Variants in HOOK2 observed in about 807,000 individuals in gnomAD.
HOOK2 encodes protein Hook homolog 2.
Under a neutral mutation model 111.9 loss-of-function variants are expected in HOOK2, and 108 were observed. That is an observed-to-expected ratio of 0.96 (90% confidence interval 0.83 to 1.13). The LOEUF is 1.13. HOOK2 is among the 50% of genes most tolerant of loss of function. HOOK2 has a pLI of 0.00. For missense variants in HOOK2, 978 were observed against 951.3 expected (o/e 1.03, Z -0.37); for synonymous variants, 405 against 394.3 (o/e 1.03, Z -0.32).
In HOOK2 at chr19:12,770,981, T is replaced by C. The variant is rs1568368007; in HGVS notation, c.853A>G (p.Ser285Gly). ...ELQHRNQALT[S>G]LAQEAQALKD... The stretch of plus-strand genomic sequence containing the variant: ...AGGGCCTGTGCCTCCTGGGCCAGGC[T>C]AGTCAGCGCCTGGTTCCGGTGCTGC... The change falls in exon 10 of 23, where the codon AGC becomes GGC. Residue 285 changes from serine to glycine, a missense_variant. Coordinates refer to ENST00000397668, the MANE Select transcript of HOOK2 (RefSeq NM_013312.3). 6.2e-7 allele frequency: 1 copy of C among 1,611,660 alleles called. No homozygotes were observed. The highest frequency in any genetic ancestry group is 8.5e-7 in the Non-Finnish European group (1 of 1,179,194).
Position 12,771,455 on chromosome 19 carries a change from C to T in HOOK2, c.542G>A (p.Ser181Asn). Residue 181 changes from serine (S) to asparagine (N), a missense_variant, in exon 8 of 23, where the codon AGT becomes AAT. Ser to Asn is a conservative substitution (Grantham distance 46). Coordinates refer to ENST00000397668, the MANE Select transcript of HOOK2 (RefSeq NM_013312.3). Reference sequence around the variant, plus strand: ...TTCGTCCCCCTCCTCAGCCTCCTCACTTAGGAAATAGTACCTGCGGGACTG... The same window carrying T: ...TTCGTCCCCCTCCTCAGCCTCCTCATTTAGGAAATAGTACCTGCGGGACTG... ...DSQSRRYYFL[S>N]EEAEEGDELQ... is the part of the protein sequence containing the mutation. 4 of 1,613,178 alleles carry T rather than the reference C, an allele frequency of 2.5e-6. No individual in the cohort carries two copies. Among genetic ancestry groups the T allele is most frequent in the Non-Finnish European group, 3.4e-6 (4 of 1,179,656 alleles).
chr19:12,775,277 A>G (rs893591667), intron 1 of HOOK2, 128 bp downstream of exon 1: 20 of 1,477,684 alleles, frequency 1.4e-5, no homozygotes, highest in African/African-American at 4.2e-5. Flanking sequence ...CCAGAGTCCA[A>G]CGGTCCAGCA....
chr19:12,788,507 T>C (rs2145801245), intron 3 of HOOK2, among the ~76,000 whole-genome samples: 1 of 152,286 alleles, frequency 6.6e-6, no homozygotes, highest in African/African-American at 2.4e-5. Context: ...TGGGCATCTC[T>C]CCCTGCCCTG....
At chr19:12,770,183 G>A in intron 10 of HOOK2, 101 bp from the exon 11 acceptor site, 1 of 1,084,260 alleles carries the variant, frequency 9.2e-7, no homozygotes. Flanking sequence ...TCAGCCTGAG[G>A]CTTTTGGGTT....
At chr19:12,765,513 C>T in intron 18 of HOOK2, 177 bp downstream of exon 18, 1 of 843,312 alleles carries the variant, frequency 1.2e-6, no homozygotes, top group East Asian at 2.5e-5. Context: ...TTTGGGAGGC[C>T]AAAGCGGGTG....
At chr19:12,766,063 T>G in intron 15 of HOOK2, 40 bp downstream of exon 15, 1 of 1,607,130 alleles carries the variant, frequency 6.2e-7, no homozygotes, top group Non-Finnish European at 8.5e-7. Flanking sequence ...TTTGGCCCCC[T>G]CTGTCCCTGC....
chr19:12,788,068 A>T (rs1372899902), intron 3 of HOOK2, among the ~76,000 whole-genome samples: 1 of 152,140 alleles, frequency 6.6e-6, no homozygotes, highest in African/African-American at 2.4e-5. Flanking sequence ...AAACAAACAA[A>T]CAAACAAACA....
intron 14 of HOOK2, among the ~76,000 whole-genome samples, chr19:12,767,152 G>A (rs1227838287): frequency 6.6e-6 from 1 of 152,198 alleles, no homozygotes; most frequent in Admixed American, 6.5e-5. Context: ...GGATTTTTGT[G>A]CAGGAACTGG....
Position 12,772,499 on chromosome 19 carries a change from G to C in HOOK2, c.456+114C>G, listed in dbSNP as rs1194987512. 7 of 1,223,390 alleles carry C rather than the reference G, an allele frequency of 5.7e-6. No homozygotes were observed. In the Admixed American group the frequency reaches 1.1e-4, roughly 20 times the overall value. 75.8% of individuals were successfully genotyped at this position (1,223,390 alleles called of 1,614,324 possible). A position where few individuals can be genotyped will look rare whatever the true frequency, so the allele number is the denominator to read the frequency against. On this transcript the variant is annotated intron_variant, in intron 6 of 22. Coordinates refer to ENST00000397668, the MANE Select transcript of HOOK2 (RefSeq NM_013312.3). The stretch of plus-strand genomic sequence containing the variant: ...GAGACAGAGATGTCTGGCCAGCTGA[G>C]TTCCAGGCAGAGTCCAGACCTTACC...
upstream of HOOK2, among the ~76,000 whole-genome samples, chr19:12,777,482 A>G (rs1968550291): frequency 6.6e-6 from 1 of 152,204 alleles, no homozygotes; most frequent in Admixed American, 6.5e-5. Context: ...CCCTGTTTCA[A>G]GAAATAAATA....
chr19:12,770,003 G>C lies in HOOK2; in HGVS notation c.982C>G (p.Arg328Gly), dbSNP rs1356985056. 1 of 1,544,058 alleles carries C rather than the reference G, an allele frequency of 6.5e-7. No individual in the cohort carries two copies. Among genetic ancestry groups the C allele is most frequent in the Non-Finnish European group, 8.7e-7 (1 of 1,148,882 alleles). ...RRRLGELREL[R>G]RQVRQLEERN... Reference sequence around the variant, plus strand: ...TCCTCCAGCTGCCGCACCTGCCGCCGCAGCTCCCTCAGCTCGCCCAAGCGG... The same window carrying C: ...TCCTCCAGCTGCCGCACCTGCCGCCCCAGCTCCCTCAGCTCGCCCAAGCGG... Residue 328 changes from arginine (R) to glycine (G), a missense_variant, in exon 11 of 23, where the codon CGG becomes GGG. Physicochemically the swap from Arg to Gly is moderately radical, Grantham distance 125 (BLOSUM62 -2). Around this residue, in one of 5 missense-constraint regions of HOOK2, gnomAD observed 388 missense variants for 358.3 expected, o/e 1.08. Coordinates refer to ENST00000397668, the MANE Select transcript of HOOK2 (RefSeq NM_013312.3).
chr19:12,782,730 T>C (rs1423224495), upstream of HOOK2, among the ~76,000 whole-genome samples: 1 of 152,112 alleles, frequency 6.6e-6, no homozygotes, highest in African/African-American at 2.4e-5. Flanking sequence ...GGCCGGGACC[T>C]TGGGGCGCCG....
At position 12,765,814 on chromosome 19, in the gene HOOK2, G is replaced by A; in HGVS notation, c.1605+15C>T. The A allele has an allele frequency of 6.2e-7, 1 of 1,613,418 alleles. No homozygotes were observed. Among genetic ancestry groups the A allele is most frequent in the East Asian group, 2.2e-5 (1 of 44,858 alleles). The stretch of plus-strand genomic sequence containing the variant: ...GTGAGGGTAGGGGGTGCCATCCTGG[G>A]CCCATGGTACTTACAATGGCCTGTA... On this transcript the variant is annotated intron_variant, in intron 17 of 22. Coordinates refer to ENST00000397668, the MANE Select transcript of HOOK2 (RefSeq NM_013312.3).
rs1368999007 is a variant in HOOK2 at position 12,767,814 on chromosome 19, A to C, written c.1303+2T>G. ...AGACCCCGGGATGGGGCTTCATCTCACCGGCCTGGGTCAACCCCCGCGGCT... is the reference window on the plus strand; with the variant it reads ...AGACCCCGGGATGGGGCTTCATCTCCCCGGCCTGGGTCAACCCCCGCGGCT... On this transcript the variant is annotated splice_donor_variant, in intron 13 of 22. Coordinates refer to ENST00000397668, the MANE Select transcript of HOOK2 (RefSeq NM_013312.3). LOFTEE classifies it high-confidence loss of function. 1.2e-6 allele frequency: 2 copies of C among 1,600,864 alleles called. No homozygotes were observed. The highest frequency in any genetic ancestry group is 4.5e-5 in the East Asian group (2 of 44,858).
In HOOK2 at chr19:12,767,883, G is replaced by T. The variant is rs1476115813; in HGVS notation, c.1236C>A (p.Asp412Glu). ...KEKERLLAERDSLREANEELR... is the reference protein window; with the variant it reads ...KEKERLLAERESLREANEELR... ...GCTCCTCATTGGCCTCCCGCAAGGA[G>T]TCCCGCTCCGCCAACAGCCGCTGCA... Residue 412 changes from aspartate to glutamate, a missense_variant, in exon 13 of 23, where the codon GAC becomes GAA. Asp to Glu is a conservative substitution (Grantham distance 45, BLOSUM62 2). Transcript: ENST00000397668. 16 of 1,609,462 alleles carry T rather than the reference G, an allele frequency of 9.9e-6. No individual in the cohort carries two copies. Among genetic ancestry groups the T allele is most frequent in the South Asian group, 9.9e-5 (9 of 91,024 alleles).
chr19:12,787,814 T>C (rs981511400), intron 3 of HOOK2, among the ~76,000 whole-genome samples: 1 of 151,874 alleles, frequency 6.6e-6, no homozygotes, highest in African/African-American at 2.4e-5. Context: ...CTCAGTACTT[T>C]GGGAGACTCA....
upstream of HOOK2, among the ~76,000 whole-genome samples, chr19:12,778,664 G>A (rs1295932366): frequency 6.6e-6 from 1 of 152,214 alleles, no homozygotes; most frequent in Non-Finnish European, 1.5e-5. Flanking sequence ...CACCACATTA[G>A]GGCGGGGGTC....
chr19:12,784,097 CTG>C (rs1341928767), intron 3 of HOOK2, among the ~76,000 whole-genome samples: 1 of 152,170 alleles, frequency 6.6e-6, no homozygotes, highest in Middle Eastern at 3.2e-3. Flanking sequence ...CGGATGGAGA[CTG>C]TGTCTCGGGA....
Position 12,770,965 on chromosome 19 carries a change from G to A in HOOK2, c.869C>T (p.Ala290Val). The A allele has an allele frequency of 6.2e-7, 1 of 1,608,808 alleles. No individual in the cohort carries two copies. Among genetic ancestry groups the A allele is most frequent in the Non-Finnish European group, 8.5e-7 (1 of 1,177,058 alleles). ...NQALTSLAQEAQALKDEMDEL... is the reference protein window; with the variant it reads ...NQALTSLAQEVQALKDEMDEL... Reference sequence around the variant, plus strand: ...ATCCATCTCATCCTTCAGGGCCTGTGCCTCCTGGGCCAGGCTAGTCAGCGC... The same window carrying A: ...ATCCATCTCATCCTTCAGGGCCTGTACCTCCTGGGCCAGGCTAGTCAGCGC... The change falls in exon 10 of 23, where the codon GCA (alanine) becomes GTA (valine). Residue 290 changes from alanine to valine, a missense_variant. Around this residue, in one of 5 missense-constraint regions of HOOK2, gnomAD observed 388 missense variants for 358.3 expected, o/e 1.08. Coordinates refer to ENST00000397668, the MANE Select transcript of HOOK2 (RefSeq NM_013312.3).
Sources: allele counts gnomAD v4.1 joint callset (sites outside exome capture counted in the v4.1 genomes callset), GRCh38; gene constraint gnomAD v4.1.1; regional missense constraint gnomAD v4.1.1; transcripts MANE v1.5; gene names NCBI Gene and HGNC (gene_info 2026-07-23, HGNC 2026-07-21).